Variants in MCTP2 observed in about 807,000 individuals in gnomAD.
MCTP2 encodes multiple C2 and transmembrane domain containing 2.
Under a neutral mutation model 111.6 loss-of-function variants are expected in MCTP2, and 132 were observed. The observed-to-expected ratio is 1.18, with a 90% CI of 1.03 to 1.37. The LOEUF (loss-of-function observed/expected upper bound fraction) is 1.37. MCTP2 is among the 40% of genes most tolerant of loss of function. MCTP2 has a pLI of 0.00. For missense variants in MCTP2, 1,183 were observed against 1,067.9 expected (o/e 1.11, Z -1.50); for synonymous variants, 395 against 387.7 (o/e 1.02, Z -0.22).
At chr15:94,288,919 G>C (rs1313422161) in intron 1 of MCTP2, among the ~76,000 whole-genome samples, 1 of 152,152 alleles carries the variant, frequency 6.6e-6, no homozygotes, top group East Asian at 1.9e-4. Flanking sequence ...GCAGACTGGG[G>C]ATGACAGAGG....
intron 21 of MCTP2, among the ~76,000 whole-genome samples, chr15:94,471,850 G>A (rs907284935): frequency 8.7e-5 from 13 of 150,242 alleles, no homozygotes; most frequent in African/African-American, 2.7e-4. Context: ...TTATGTTTTC[G>A]TGCGTACTAC....
chr15:94,383,729 A>G (rs1288081017), intron 12 of MCTP2, among the ~76,000 whole-genome samples: 1 of 152,166 alleles, frequency 6.6e-6, no homozygotes, highest in African/African-American at 2.4e-5. Context: ...GGTCCTTCCC[A>G]CGACACATGG....
At chr15:94,386,049 G>T (rs865845919) in intron 14 of MCTP2, among the ~76,000 whole-genome samples, 1 of 152,184 alleles carries the variant, frequency 6.6e-6, no homozygotes, top group African/African-American at 2.4e-5. Context: ...AAAGCAGAGG[G>T]CCTTTCTTGG....
At chr15:94,410,084 C>T (rs962299372) in intron 17 of MCTP2, among the ~76,000 whole-genome samples, 2 of 152,054 alleles carry the variant, frequency 1.3e-5, no homozygotes, top group East Asian at 3.9e-4. Context: ...AGGTCATAAG[C>T]ATGGAAATAT....
chr15:94,323,328 A>C (rs1265096649), intron 4 of MCTP2, among the ~76,000 whole-genome samples: 2 of 152,122 alleles, frequency 1.3e-5, no homozygotes, highest in Non-Finnish European at 2.9e-5. Context: ...GTGCAGACTT[A>C]AAAAAACAAA....
In MCTP2 at chr15:94,339,433, G is replaced by C; in HGVS notation, c.780+1G>C. ...CCTTGATCAAAAGCTACGTGTGAAG[G>C]TAATCACAGATAGCTTTCAAATCTG... On this transcript the variant is annotated splice_donor_variant, in intron 5 of 22. Coordinates refer to ENST00000357742, the MANE Select transcript of MCTP2 (RefSeq NM_001385001.1). LOFTEE classifies it high-confidence loss of function. The C allele has an allele frequency of 6.3e-7, 1 of 1,585,574 alleles. No homozygotes were observed. The highest frequency in any genetic ancestry group is 8.6e-7 in the Non-Finnish European group (1 of 1,168,114).
chr15:94,295,355 A>ATCTG (rs146975572), intron 1 of MCTP2, among the ~76,000 whole-genome samples: 1 of 152,046 alleles, frequency 6.6e-6, no homozygotes, highest in African/African-American at 2.4e-5. Context: ...CTTGTAATAT[A>ATCTG]TCTGTCTGTC....
intron 18 of MCTP2, among the ~76,000 whole-genome samples, chr15:94,441,588 G>A (rs2083782951): frequency 6.6e-6 from 1 of 152,124 alleles, no homozygotes; most frequent in African/African-American, 2.4e-5. Context: ...ACATAAGTGT[G>A]TATGTATGTA....
intron 12 of MCTP2, among the ~76,000 whole-genome samples, chr15:94,373,541 G>T (rs1381802830): frequency 6.6e-6 from 1 of 152,066 alleles, no homozygotes; most frequent in African/African-American, 2.4e-5. Flanking sequence ...TATGCTATTT[G>T]ATTGTGGTTG....
intron 17 of MCTP2, among the ~76,000 whole-genome samples, chr15:94,407,501 A>AT (rs2081958210): frequency 6.6e-6 from 1 of 152,138 alleles, no homozygotes; most frequent in Non-Finnish European, 1.5e-5. Flanking sequence ...CTTTTTTCCG[A>AT]TTTTTTGAGT....
At chr15:94,402,082 A>T in intron 17 of MCTP2, 63 bp downstream of exon 17, 1 of 1,583,114 alleles carries the variant, frequency 6.3e-7, no homozygotes, top group Non-Finnish European at 8.6e-7. Context: ...ATCTTTCTGA[A>T]ATATATTACA....
intron 17 of MCTP2, among the ~76,000 whole-genome samples, chr15:94,430,072 A>G (rs928220906): frequency 1.5e-4 from 23 of 152,308 alleles, no homozygotes; most frequent in Admixed American, 8.5e-4. Context: ...CTAGGCCACA[A>G]TTAACTCTAA....
At chr15:94,447,137 C>T (rs887158679) in intron 19 of MCTP2, among the ~76,000 whole-genome samples, 5 of 152,172 alleles carry the variant, frequency 3.3e-5, no homozygotes, top group Non-Finnish European at 7.4e-5. Flanking sequence ...ATTACCCAGA[C>T]AGGGCCTTCT....
chr15:94,390,102 A>ATATGTATATATATATG (rs1555464919), intron 14 of MCTP2, among the ~76,000 whole-genome samples: 1 of 39,200 alleles, frequency 2.6e-5, no homozygotes. Flanking sequence ...ATATATATAT[A>ATATGTATATATATATG]TATATATATA....
At chr15:94,312,291 T>A (rs2076179834) in intron 2 of MCTP2, among the ~76,000 whole-genome samples, 1 of 152,166 alleles carries the variant, frequency 6.6e-6, no homozygotes, top group Non-Finnish European at 1.5e-5. Context: ...ATTGGGAAAT[T>A]CAGTAAGTTG....
intron 1 of MCTP2, among the ~76,000 whole-genome samples, chr15:94,295,329 G>T (rs1024043969): frequency 2.6e-5 from 4 of 151,984 alleles, no homozygotes; most frequent in Admixed American, 2.0e-4. Flanking sequence ...AAATTCTATA[G>T]AGCCAGGAAT....
chr15:94,254,348 A>G (rs2072630184), intron 1 of MCTP2, among the ~76,000 whole-genome samples: 1 of 152,214 alleles, frequency 6.6e-6, no homozygotes. Context: ...AGGTATAAGC[A>G]CAGATGTTGT....
intron 19 of MCTP2, among the ~76,000 whole-genome samples, chr15:94,453,114 A>G (rs1361969209): frequency 6.6e-6 from 1 of 152,172 alleles, no homozygotes; most frequent in Non-Finnish European, 1.5e-5. Context: ...TTTTTAAACT[A>G]TTGTATTTAA....
At chr15:94,401,762 T>C in intron 16 of MCTP2, 138 bp from the exon 17 acceptor site, 1 of 543,952 alleles carries the variant, frequency 1.8e-6, no homozygotes. Flanking sequence ...AAGTGTCAGG[T>C]CTTCTCCTTT....
Sources: allele counts gnomAD v4.1 joint callset (sites outside exome capture counted in the v4.1 genomes callset), GRCh38; gene constraint gnomAD v4.1.1; transcripts MANE v1.5; gene names NCBI Gene and HGNC (gene_info 2026-07-23, HGNC 2026-07-21).